Variants in RTL4 observed in about 807,000 individuals in gnomAD.
The protein encoded by RTL4 is retrotransposon Gag like 4.
RTL4 carries 4 observed loss-of-function variants against 5.3 expected under a neutral mutation model. The observed-to-expected ratio is 0.75, with a 90% confidence interval of 0.37 to 1.72. RTL4 has a LOEUF of 1.72. Among genes scored for constraint, RTL4 ranks in the 40% most tolerant of loss-of-function variants. The pLI is 0.04. For synonymous variants in RTL4, 98 were observed against 87.3 expected (o/e 1.12, Z -0.68); for missense variants, 260 against 227.1 (o/e 1.14, Z -0.93).
At chrX:112,237,998 A>T in the RTL4 span, among the ~76,000 whole-genome samples, 1 of 112,268 alleles carries the variant, frequency 8.9e-6, no homozygotes, top group African/African-American at 3.2e-5. Context: ...ATCCTATTTC[A>T]CTAACATGGC....
At chrX:112,153,101 G>C in the RTL4 span, among the ~76,000 whole-genome samples, 3 of 112,026 alleles carry the variant, frequency 2.7e-5, no homozygotes, top group South Asian at 1.1e-3. Flanking sequence ...ATGAAAAAGA[G>C]TAAACAATCT....
the RTL4 span, among the ~76,000 whole-genome samples, chrX:112,209,311 C>T: frequency 8.9e-5 from 10 of 112,027 alleles, no homozygotes; most frequent in African/African-American, 3.2e-4. Context: ...GGCTACAGCC[C>T]ATGAATCAGT....
At chrX:112,124,711 C>T in the RTL4 span, among the ~76,000 whole-genome samples, 4 of 109,229 alleles carry the variant, frequency 3.7e-5, no homozygotes, top group South Asian at 4.0e-4. Flanking sequence ...AATTAGAGGA[C>T]GGGTCAATAG....
At chrX:112,432,109 TTTTCTTAA>T in the RTL4 span, among the ~76,000 whole-genome samples, 5 of 105,509 alleles carry the variant, frequency 4.7e-5, no homozygotes, top group African/African-American at 1.7e-4. Context: ...ATGTGCCACA[TTTTCTTAA>T]TCCAGTCTAT....
the RTL4 span, among the ~76,000 whole-genome samples, chrX:112,373,806 A>C: frequency 9.0e-6 from 1 of 110,574 alleles, no homozygotes; most frequent in Non-Finnish European, 1.9e-5. Flanking sequence ...GCTTCAGGCC[A>C]ACAATGGTCT....
chrX:112,405,037 G>A, the RTL4 span, among the ~76,000 whole-genome samples: 6 of 111,136 alleles, frequency 5.4e-5, no homozygotes, highest in Admixed American at 1.9e-4. Context: ...CCAGGTGATC[G>A]GTGGCTCACA....
the RTL4 span, among the ~76,000 whole-genome samples, chrX:112,190,167 T>A: frequency 1.1e-5 from 1 of 90,932 alleles, no homozygotes; most frequent in East Asian, 3.4e-4. Flanking sequence ...TTTCTTTCTT[T>A]CTTTCTTTCT....
the RTL4 span, among the ~76,000 whole-genome samples, chrX:112,185,734 GGCAAGTT>G: frequency 9.2e-6 from 1 of 108,642 alleles, no homozygotes; most frequent in East Asian, 2.9e-4. Flanking sequence ...TTTGACATTG[GGCAAGTT>G]GCTTAATCTT....
At chrX:112,164,670 A>G in the RTL4 span, among the ~76,000 whole-genome samples, 9 of 111,408 alleles carry the variant, frequency 8.1e-5, no homozygotes, top group African/African-American at 2.3e-4. Context: ...AGATTCAAGA[A>G]CCTGTCTATA....
chrX:112,335,086 C>T, the RTL4 span, among the ~76,000 whole-genome samples: 1 of 111,784 alleles, frequency 8.9e-6, no homozygotes, highest in Non-Finnish European at 1.9e-5. Context: ...TCTTTAGGAT[C>T]AGATAAAACT....
the RTL4 span, among the ~76,000 whole-genome samples, chrX:112,191,506 A>G: frequency 8.9e-6 from 1 of 111,873 alleles, no homozygotes; most frequent in South Asian, 3.8e-4. Flanking sequence ...ATTTGGCTTG[A>G]AAAAATTTTA....
the RTL4 span, among the ~76,000 whole-genome samples, chrX:112,233,428 A>G: frequency 9.1e-6 from 1 of 110,139 alleles, no homozygotes; most frequent in African/African-American, 3.3e-5. Flanking sequence ...GCTGAGTCCT[A>G]TTATAGCCCT....
the RTL4 span, among the ~76,000 whole-genome samples, chrX:112,220,141 C>T: frequency 8.9e-6 from 1 of 112,013 alleles, no homozygotes; most frequent in Non-Finnish European, 1.9e-5. Context: ...CCCCTTTTTC[C>T]TAGAACACAA....
chrX:112,454,357 C>A (rs1173734883), upstream of RTL4: 1 of 133,358 alleles, frequency 7.5e-6, no homozygotes, highest in African/African-American at 3.2e-5. Flanking sequence ...TGCTTTAGAA[C>A]AAAGGTTTAG....
the RTL4 span, among the ~76,000 whole-genome samples, chrX:112,427,207 A>G: frequency 9.0e-6 from 1 of 111,456 alleles, no homozygotes; most frequent in Non-Finnish European, 1.9e-5. Context: ...ATTAGGGAAC[A>G]AAATCCAACA....
At chrX:112,453,766 A>C (rs1926783616), upstream of RTL4, among the ~76,000 whole-genome samples, 1 of 112,268 alleles carries the variant, frequency 8.9e-6, no homozygotes, top group Non-Finnish European at 1.9e-5. Context: ...AAAATGATTT[A>C]GTAGTTCTGG....
the RTL4 span, among the ~76,000 whole-genome samples, chrX:112,085,818 C>A: frequency 8.9e-6 from 1 of 111,912 alleles, no homozygotes; most frequent in Non-Finnish European, 1.9e-5. Flanking sequence ...TGAACAGAGT[C>A]TCAGAAAATA....
chrX:112,277,860 G>A, the RTL4 span, among the ~76,000 whole-genome samples: 1 of 111,579 alleles, frequency 9.0e-6, no homozygotes, highest in African/African-American at 3.3e-5. Flanking sequence ...AATGAATCCT[G>A]AATACTGAAA....
At chrX:112,441,109 C>G in the RTL4 span, among the ~76,000 whole-genome samples, 1 of 111,433 alleles carries the variant, frequency 9.0e-6, no homozygotes, top group African/African-American at 3.3e-5. Flanking sequence ...TTATCTGGTG[C>G]ATGAATCTGC....
Sources: allele counts gnomAD v4.1 joint callset (sites outside exome capture counted in the v4.1 genomes callset), GRCh38; gene constraint gnomAD v4.1.1; transcripts MANE v1.5; gene names NCBI Gene and HGNC (gene_info 2026-07-23, HGNC 2026-07-21).